Variants in PALLD observed in about 807,000 individuals in gnomAD.
The protein encoded by PALLD is palladin.
Under a neutral mutation model 123.5 loss-of-function variants are expected in PALLD, and 61 were observed. The ratio of observed to expected loss-of-function variants is 0.49; its 90% CI spans 0.40 to 0.61. PALLD has a LOEUF of 0.61. PALLD is among the 20% of genes least tolerant of loss of function. The probability of loss-of-function intolerance (pLI) is 0.00; values close to 1 mark genes in which losing one functional copy is unlikely to be tolerated. For missense variants in PALLD, 1,273 were observed against 1,377.0 expected (o/e 0.92, Z 1.20); for synonymous variants, 465 against 496.4 (o/e 0.94, Z 0.84).
chr4:168,743,389 C>T (rs1788554116), intron 10 of PALLD, among the ~76,000 whole-genome samples: 1 of 152,026 alleles, frequency 6.6e-6, no homozygotes, highest in African/African-American at 2.4e-5. Flanking sequence ...AAGACAGAAA[C>T]TTAATATGGT....
intron 2 of PALLD, among the ~76,000 whole-genome samples, chr4:168,532,536 C>T (rs1301544307): frequency 7.3e-6 from 1 of 137,122 alleles, no homozygotes; most frequent in Non-Finnish European, 1.6e-5. Context: ...ACAAAATACA[C>T]CATCAATAAA....
intron 1 of PALLD, among the ~76,000 whole-genome samples, chr4:168,499,180 CAAAAAAAAAA>C (rs1157137965): frequency 2.4e-4 from 4 of 16,378 alleles, no homozygotes; most frequent in East Asian, 3.3e-3. Flanking sequence ...CCCTTTGTAG[CAAAAAAAAAA>C]AAAAAAAAAA....
intron 17 of PALLD, among the ~76,000 whole-genome samples, chr4:168,917,680 A>T (rs1286300083): frequency 6.6e-6 from 1 of 152,170 alleles, no homozygotes; most frequent in Non-Finnish European, 1.5e-5. Flanking sequence ...TCAGAAAGTA[A>T]ATCTGGGATT....
chr4:168,632,008 T>C (rs951245121), intron 2 of PALLD: 11 of 611,964 alleles, frequency 1.8e-5, no homozygotes, highest in African/African-American at 6.0e-5. Context: ...TTGGGGTGTT[T>C]AGTTGTAGTG....
chr4:168,798,577 GT>G (rs556115705), intron 10 of PALLD, among the ~76,000 whole-genome samples: 56 of 152,206 alleles, frequency 3.7e-4, no homozygotes, highest in African/African-American at 1.3e-3. Flanking sequence ...TGGAAAGTAA[GT>G]GAAAAACACA....
intron 10 of PALLD, among the ~76,000 whole-genome samples, chr4:168,805,073 G>C (rs145104157): frequency 6.6e-6 from 1 of 151,682 alleles, no homozygotes; most frequent in African/African-American, 2.4e-5. Context: ...CAGGAGAATC[G>C]TTTAAACCCG....
At chr4:168,602,589 C>T (rs985673467) in intron 2 of PALLD, among the ~76,000 whole-genome samples, 20 of 152,268 alleles carry the variant, frequency 1.3e-4, no homozygotes, top group Admixed American at 7.2e-4. Flanking sequence ...TGTTGCTCAG[C>T]GTATGATAAG....
intron 10 of PALLD, among the ~76,000 whole-genome samples, chr4:168,886,919 C>A (rs1753411548): frequency 1.3e-5 from 2 of 151,772 alleles, no homozygotes; most frequent in Admixed American, 1.3e-4. Context: ...GAGTTCGAGA[C>A]CAGCCTGACC....
intron 10 of PALLD, among the ~76,000 whole-genome samples, chr4:168,736,446 A>G (rs1019025812): frequency 2.0e-5 from 3 of 152,222 alleles, no homozygotes; most frequent in African/African-American, 4.8e-5. Flanking sequence ...CAGAGCAGGA[A>G]GGATGGGGCA....
intron 15 of PALLD, among the ~76,000 whole-genome samples, chr4:168,912,130 C>T (rs1259490194): frequency 1.3e-5 from 2 of 152,152 alleles, no homozygotes; most frequent in East Asian, 3.9e-4. Flanking sequence ...CTCACCCTGA[C>T]CCCCACTCCA....
intron 10 of PALLD, among the ~76,000 whole-genome samples, chr4:168,761,938 C>G (rs1363864366): frequency 1.3e-5 from 2 of 151,998 alleles, no homozygotes; most frequent in Non-Finnish European, 1.5e-5. Context: ...CTTTGTAATG[C>G]TCTCTTATTC....
intron 2 of PALLD, among the ~76,000 whole-genome samples, chr4:168,514,164 G>T (rs1762784655): frequency 6.6e-6 from 1 of 152,036 alleles, no homozygotes; most frequent in Admixed American, 6.6e-5. Flanking sequence ...GAAAAAAATG[G>T]TAAAGTAGAC....
intron 2 of PALLD, among the ~76,000 whole-genome samples, chr4:168,535,122 T>C (rs1159602732): frequency 1.3e-5 from 2 of 152,230 alleles, no homozygotes; most frequent in Non-Finnish European, 2.9e-5. Flanking sequence ...GCATAGGTTT[T>C]ATGCAAATAC....
intron 10 of PALLD, among the ~76,000 whole-genome samples, chr4:168,850,622 C>G (rs1270644536): frequency 2.7e-5 from 4 of 148,298 alleles, no homozygotes; most frequent in African/African-American, 7.6e-5. Flanking sequence ...ACCTCCACCT[C>G]CCAGGTTCAA....
intron 2 of PALLD, among the ~76,000 whole-genome samples, chr4:168,519,924 T>C (rs1488886593): frequency 6.6e-6 from 1 of 151,968 alleles, no homozygotes; most frequent in African/African-American, 2.4e-5. Flanking sequence ...TTCTGTGTAT[T>C]TGCACTGAAT....
At chr4:168,660,586 A>G (rs1430859813) in intron 2 of PALLD, among the ~76,000 whole-genome samples, 9 of 114,354 alleles carry the variant, frequency 7.9e-5, no homozygotes. Flanking sequence ...TTATGCAACA[A>G]CAACAATACA....
chr4:168,786,303 G>A (rs991063769), intron 10 of PALLD, among the ~76,000 whole-genome samples: 7 of 152,054 alleles, frequency 4.6e-5, no homozygotes, highest in Non-Finnish European at 7.4e-5. Context: ...ACTCCAGCCT[G>A]GCAACAGAGT....
intron 2 of PALLD, among the ~76,000 whole-genome samples, chr4:168,609,264 C>T (rs1210310817): frequency 6.9e-6 from 1 of 144,388 alleles, no homozygotes; most frequent in Non-Finnish European, 1.5e-5. Flanking sequence ...GTTGGTTTAG[C>T]AGTTCCACTT....
chr4:168,622,635 C>A (rs1428731303), intron 2 of PALLD, among the ~76,000 whole-genome samples: 2 of 152,188 alleles, frequency 1.3e-5, no homozygotes, highest in African/African-American at 2.4e-5. Context: ...AGAGAAGTAG[C>A]ATTATTATGC....
Sources: gnomAD v4.1 joint callset for allele counts (sites outside exome capture counted in the v4.1 genomes callset) on GRCh38, gnomAD v4.1.1 for gene constraint, MANE v1.5 for transcripts, NCBI Gene and HGNC (gene_info 2026-07-23, HGNC 2026-07-21) for gene names.